Variants in IMPDH2 observed in about 807,000 individuals in gnomAD.
IMPDH2 encodes the protein inosine-5'-monophosphate dehydrogenase 2.
Under a neutral mutation model 57.8 loss-of-function variants are expected in IMPDH2, and 33 were observed. The ratio of observed to expected loss-of-function variants is 0.57; its 90% CI spans 0.43 to 0.76. The LOEUF (loss-of-function observed/expected upper bound fraction) is 0.76. Among genes scored for constraint, IMPDH2 ranks in the 30% least tolerant of loss-of-function variants. The pLI is 0.00. For synonymous variants in IMPDH2, 270 were observed against 241.3 expected (o/e 1.12, Z -1.10); for missense variants, 446 against 659.1 (o/e 0.68, Z 3.54).
chr3:49,024,823 AC>A, intron 11 of IMPDH2, 21 bp from the exon 12 acceptor site: 1 of 1,614,166 alleles, frequency 6.2e-7, no homozygotes, highest in Non-Finnish European at 8.5e-7. Context: ...AGGCAGAGAC[AC>A]GGGCAAGGTC....
At chr3:49,026,083 G>C (rs959676148) in intron 9 of IMPDH2, 1 of 632,336 alleles carries the variant, frequency 1.6e-6, no homozygotes, top group East Asian at 3.2e-5. Context: ...AAAACAAACA[G>C]ACCAGAGTTT....
chr3:49,026,122 G>T (rs72624915), intron 9 of IMPDH2: 2 of 681,714 alleles, frequency 2.9e-6, no homozygotes, highest in South Asian at 1.5e-5. Flanking sequence ...GAGCAAGAAG[G>T]CCAGGCTAGG....
At position 49,027,790 on chromosome 3, in the gene IMPDH2, C is replaced by T; in HGVS notation, c.451G>A (p.Gly151Arg). The T allele has an allele frequency of 6.2e-7, 1 of 1,614,240 alleles. No homozygotes were observed. Among genetic ancestry groups the T allele is most frequent in the Admixed American group, 1.7e-5 (1 of 60,030 alleles). The change falls in exon 5 of 14, where the codon GGG becomes AGG. Residue 151 changes from glycine (G) to arginine (R), a missense_variant. By Grantham distance (125) the Gly-to-Arg change is moderately radical (BLOSUM62 -2). Transcript: ENST00000326739. ...GAGATGATGCCCACCAAGCGGCTCC[C>T]CATCCGGCCTGTGTCTGTGATTGGG... is the stretch of plus-strand genomic sequence containing the variant. Reference protein sequence around the residue: ...GIPITDTGRMGSRLVGIISSR... With the variant: ...GIPITDTGRMRSRLVGIISSR...
intron 4 of IMPDH2, 32 bp from the exon 5 acceptor site, chr3:49,027,948 T>G: frequency 6.7e-7 from 1 of 1,497,700 alleles, no homozygotes; most frequent in Admixed American, 1.7e-5. Flanking sequence ...GGGCATCGCA[T>G]CTTTGAACTA....
At position 49,028,339 on chromosome 3, in the gene IMPDH2, G is replaced by C. The variant is rs371507855; in HGVS notation, c.250-17C>G. 2 of 1,612,746 alleles carry C rather than the reference G, an allele frequency of 1.2e-6. No homozygotes were observed. Among genetic ancestry groups the C allele is most frequent in the Admixed American group, 3.3e-5 (2 of 60,024 alleles). On this transcript the variant is annotated splice_polypyrimidine_tract_variant and intron_variant, in intron 3 of 13. Coordinates refer to ENST00000326739, the MANE Select transcript of IMPDH2 (RefSeq NM_000884.3). Reference sequence around the variant, plus strand: ...GCCTGTAAGCTACAGGATAAAAAGAGACTACTACTAAGTGACAAGAAGCAG... The same window carrying C: ...GCCTGTAAGCTACAGGATAAAAAGACACTACTACTAAGTGACAAGAAGCAG...
Position 49,027,887 on chromosome 3 carries a change from A to C in IMPDH2, c.354T>G (p.Pro118=), listed in dbSNP as rs1353078908. Residue 118 remains proline, a synonymous_variant, in exon 5 of 14, where the codon CCT becomes CCG. Coordinates refer to ENST00000326739, the MANE Select transcript of IMPDH2 (RefSeq NM_000884.3). The part of the protein sequence containing the change: ...KKYEQGFITD[P]VVLSPKDRVR... ...CGCGATCCTTGGGGCTGAGGACCACAGGGTCTGTGATGAATCCCTGTTCAT... is the reference window on the plus strand; with the variant it reads ...CGCGATCCTTGGGGCTGAGGACCACCGGGTCTGTGATGAATCCCTGTTCAT... 6.2e-7 allele frequency: 1 copy of C among 1,614,122 alleles called. No homozygotes were observed. Among genetic ancestry groups the C allele is most frequent in the South Asian group, 1.1e-5 (1 of 91,078 alleles).
chr3:49,024,928 G>A lies in IMPDH2; in HGVS notation c.1263C>T (p.Asp421=). ...ATCTGTTCTGGCTGCTGAGGTGCTT[G>A]TCCATGGCATCGAGAGAACCCATAC... ...YRGMGSLDAM[D]KHLSSQNRYF... The change falls in exon 11 of 14, where the codon GAC becomes GAT. Residue 421 remains aspartate (D), a synonymous_variant. Coordinates refer to ENST00000326739, the MANE Select transcript of IMPDH2 (RefSeq NM_000884.3). 6.2e-7 allele frequency: 1 copy of A among 1,614,244 alleles called. No individual in the cohort carries two copies. The highest frequency in any genetic ancestry group is 8.5e-7 in the Non-Finnish European group (1 of 1,180,048).
At chr3:49,025,318 C>T (rs1448672012) in intron 9 of IMPDH2, 49 bp from the exon 10 acceptor site, 1 of 1,607,616 alleles carries the variant, frequency 6.2e-7, no homozygotes, top group African/African-American at 1.3e-5. Context: ...TGGGGACGGG[C>T]AGTGGACCCT....
chr3:49,025,504 G>C (rs770566012), intron 9 of IMPDH2: 2 of 536,770 alleles, frequency 3.7e-6, no homozygotes, highest in Admixed American at 6.3e-5. Flanking sequence ...AGTGCCCAGG[G>C]CAGCCTCAGG....
Position 49,028,283 on chromosome 3 carries a change from G to A in IMPDH2, c.289C>T (p.Pro97Ser). The change falls in exon 4 of 14, where the codon CCT becomes TCT. Residue 97 changes from proline to serine, a missense_variant. Pro to Ser is a moderately conservative substitution (Grantham distance 74, BLOSUM62 -1). Coordinates refer to ENST00000326739, the MANE Select transcript of IMPDH2 (RefSeq NM_000884.3). ...GIGFIHHNCT[P>S]EFQANEVRKV... The stretch of plus-strand genomic sequence containing the variant: ...CGAACTTCATTGGCCTGGAATTCAG[G>A]TGTACAGTTGTGGTGGATGAAGCCA... 6.2e-7 allele frequency: 1 copy of A among 1,614,206 alleles called. No individual in the cohort carries two copies. The highest frequency in any genetic ancestry group is 2.2e-5 in the East Asian group (1 of 44,884).
At position 49,024,515 on chromosome 3, in the gene IMPDH2, A is replaced by G. The variant is rs561345661; in HGVS notation, c.1503T>C (p.Gly501=). 75 of 1,614,148 alleles carry G rather than the reference A, an allele frequency of 4.6e-5. No homozygotes were observed. In the East Asian group the frequency reaches 1.5e-3, roughly 33 times the overall value. ...CTTACGAATGGAGGCTATGGACGCC[A>G]CCTTCCACCTGGGCTGAGGACGTTC... ...EKRTSSAQVE[G]GVHSLHSYEK... is the part of the protein sequence containing the mutation. The change falls in exon 13 of 14, where the codon GGT becomes GGC. Residue 501 remains glycine (G), a synonymous_variant. Transcript: ENST00000326739.
In IMPDH2 at chr3:49,029,279, G is replaced by A. The variant is rs769173346; in HGVS notation, c.72C>T (p.Phe24=). 1.2e-6 allele frequency: 2 copies of A among 1,608,002 alleles called. No homozygotes were observed. The highest frequency in any genetic ancestry group is 3.4e-5 in the Admixed American group (2 of 58,936). Residue 24 remains phenylalanine (F), a synonymous_variant, in exon 1 of 14, where the codon TTC becomes TTT. Coordinates refer to ENST00000326739, the MANE Select transcript of IMPDH2 (RefSeq NM_000884.3). ...PDDGLTAQQL[F]NCGDGLTYND... The stretch of plus-strand genomic sequence containing the variant: ...TGTAGGTGAGGCCGTCTCCGCAGTT[G>A]AAGAGCTGCTGTGCTGTGAGTCCGT...
In IMPDH2 at chr3:49,028,414, C is replaced by A. The variant is rs758784202; in HGVS notation, c.249+17G>T. On this transcript the variant is annotated intron_variant, in intron 3 of 13. Coordinates refer to ENST00000326739, the MANE Select transcript of IMPDH2 (RefSeq NM_000884.3). ...GATGGAGTCCTTGCTCCTTCCCCCA[C>A]ACCCCATGGGGCTCACCGCCATTGC... 1.2e-6 allele frequency: 2 copies of A among 1,609,548 alleles called. No individual in the cohort carries two copies. Among genetic ancestry groups the A allele is most frequent in the African/African-American group, 2.7e-5 (2 of 74,806 alleles).
Position 49,026,381 on chromosome 3 carries a change from C to G in IMPDH2, c.949G>C (p.Gly317Arg), listed in dbSNP as rs2093199566. The change falls in exon 9 of 14, where the codon GGT (glycine) becomes CGT (arginine). Residue 317 changes from glycine to arginine, a missense_variant. Physicochemically the swap from Gly to Arg is moderately radical, Grantham distance 125. Transcript: ENST00000326739. Reference protein sequence around the residue: ...AAQAKNLIDAGVDALRVGMGS... With the variant: ...AAQAKNLIDARVDALRVGMGS... ...ATGCCCACCCGCAGGGCATCCACAC[C>G]TGCATCAATGAGGTTCTTGGCCTGG... The G allele has an allele frequency of 6.2e-7, 1 of 1,613,886 alleles. No individual in the cohort carries two copies.
In IMPDH2 at chr3:49,026,739, T is replaced by C. The variant is rs761591592; in HGVS notation, c.767A>G (p.Asp256Gly). 3.1e-6 allele frequency: 5 copies of C among 1,614,228 alleles called. No individual in the cohort carries two copies. The highest frequency in any genetic ancestry group is 4.2e-6 in the Non-Finnish European group (5 of 1,180,034). The change falls in exon 7 of 14, where the codon GAC (aspartate) becomes GGC (glycine). Residue 256 changes from aspartate to glycine, a missense_variant. Asp to Gly is a moderately conservative substitution (Grantham distance 94, BLOSUM62 -1). Coordinates refer to ENST00000326739, the MANE Select transcript of IMPDH2 (RefSeq NM_000884.3). ...CGAAIGTHED[D>G]KYRLDLLAQA... ...GGCGAGCAAGTCCAGCCTATACTTG[T>C]CATCCTCATGAGTGCCAATGGCTGC... is the stretch of plus-strand genomic sequence containing the variant.
In IMPDH2 at chr3:49,024,956, C is replaced by T. The variant is rs1012899208; in HGVS notation, c.1235G>A (p.Arg412His). Reference protein sequence around the residue: ...FSDGIRLKKYRGMGSLDAMDK... With the variant: ...FSDGIRLKKYHGMGSLDAMDK... ...CATGGCATCGAGAGAACCCATACCG[C>T]GATATTTCTTTAGCCGGATCCCATC... Residue 412 changes from arginine (R) to histidine (H), a missense_variant, in exon 11 of 14, where the codon CGC becomes CAC. By Grantham distance (29) the Arg-to-His change is conservative. Coordinates refer to ENST00000326739, the MANE Select transcript of IMPDH2 (RefSeq NM_000884.3). 7 of 1,614,084 alleles carry T rather than the reference C, an allele frequency of 4.3e-6. No individual in the cohort carries two copies. The highest frequency in any genetic ancestry group is 1.3e-5 in the African/African-American group (1 of 74,918).
At position 49,028,748 on chromosome 3, in the gene IMPDH2, T is replaced by C. The variant is rs1193799636; in HGVS notation, c.147+10A>G. ...TTGATGTTCAGGACCCAATTCCTGA[T>C]CATACTCACCACCTGGTCTGCAGTG... On this transcript the variant is annotated intron_variant, in intron 2 of 13. Coordinates refer to ENST00000326739, the MANE Select transcript of IMPDH2 (RefSeq NM_000884.3). 8 of 1,609,764 alleles carry C rather than the reference T, an allele frequency of 5.0e-6. No homozygotes were observed. The highest frequency in any genetic ancestry group is 5.1e-6 in the Non-Finnish European group (6 of 1,176,146).
intron 5 of IMPDH2, 29 bp from the exon 6 acceptor site, chr3:49,027,076 G>T: frequency 7.3e-6 from 11 of 1,506,360 alleles, no homozygotes; most frequent in Non-Finnish European, 1.0e-5. Context: ...GTGAAGAAGG[G>T]CCAGTCATCG....
At chr3:49,029,124 G>A (rs1306956552) in intron 1 of IMPDH2, 129 bp downstream of exon 1, 4 of 749,066 alleles carry the variant, frequency 5.3e-6, no homozygotes, top group African/African-American at 3.4e-5. Flanking sequence ...GAGCCCCGGA[G>A]GTGGGTGGCC....
Sources: gnomAD v4.1 joint callset for allele counts on GRCh38, gnomAD v4.1.1 for gene constraint, MANE v1.5 for transcripts, NCBI Gene and HGNC (gene_info 2026-07-23, HGNC 2026-07-21) for gene names.